Variants in ADAMTS5 observed in about 807,000 individuals in gnomAD.
The protein encoded by ADAMTS5 is A disintegrin and metalloproteinase with thrombospondin motifs 5.
ADAMTS5 carries 54 observed loss-of-function variants against 81.4 expected under a neutral mutation model. That is an observed-to-expected ratio of 0.66 (90% confidence interval 0.53 to 0.83). The LOEUF is 0.83. Among genes scored for constraint, ADAMTS5 ranks in the 40% least tolerant of loss-of-function variants. The pLI, the probability that ADAMTS5 is intolerant of heterozygous loss-of-function variation, is 0.00. For synonymous variants in ADAMTS5, 532 were observed against 508.8 expected (o/e 1.05, Z -0.61); for missense variants, 1,194 against 1,229.9 (o/e 0.97, Z 0.44).
intron 2 of ADAMTS5, among the ~76,000 whole-genome samples, chr21:26,948,969 T>A (rs1987266991): frequency 6.6e-6 from 1 of 151,454 alleles, no homozygotes; most frequent in Non-Finnish European, 1.5e-5. Flanking sequence ...TAATGGTACT[T>A]ACCTCATGGC....
Position 26,921,409 on chromosome 21 carries a change from T to G in ADAMTS5, c.*2644A>C, listed in dbSNP as rs575971542. 53 of 151,894 alleles carry G rather than the reference T, an allele frequency of 3.5e-4. No homozygotes were observed. The Middle Eastern group carries it at 0.017, about 49-fold the overall frequency. 9.4% of individuals were successfully genotyped at this position (151,894 alleles called of 1,614,324 possible). A position where few individuals can be genotyped will look rare whatever the true frequency, so the allele number is the denominator to read the frequency against. ...GGAGTGCTTAGTTATGTAAGTGAGA[T>G]TAGATTCTTACAAACCTGAGCATTT... On this transcript the variant is annotated 3_prime_UTR_variant, in exon 8 of 8. Transcript: ENST00000284987.
intron 1 of ADAMTS5, among the ~76,000 whole-genome samples, chr21:26,959,587 C>T (rs1170031990): frequency 2.0e-5 from 3 of 152,098 alleles, no homozygotes; most frequent in East Asian, 1.9e-4. Context: ...TTCTTTCTTG[C>T]AGCAAATAAA....
chr21:26,942,433 A>G (rs908058387), intron 3 of ADAMTS5, among the ~76,000 whole-genome samples: 1 of 152,188 alleles, frequency 6.6e-6, no homozygotes, highest in African/African-American at 2.4e-5. Context: ...GTCACATTCA[A>G]TTTAACTACT....
At chr21:26,949,370 ATTACTTAT>A (rs1365423728) in intron 2 of ADAMTS5, among the ~76,000 whole-genome samples, 1 of 151,612 alleles carries the variant, frequency 6.6e-6, no homozygotes, top group Non-Finnish European at 1.5e-5. Context: ...TTATTTATTT[ATTACTTAT>A]TTATTTATTT....
Position 26,966,490 on chromosome 21 carries a change from A to C in ADAMTS5, c.-99T>G. On this transcript the variant is annotated 5_prime_UTR_variant, in exon 1 of 8. Transcript: ENST00000284987. ...GGGCGGGGGATGGGGACACACACAC[A>C]CTTGCTTGCAGGATTGAGTCAAGTG... is the stretch of plus-strand genomic sequence containing the variant. 8.7e-6 allele frequency: 10 copies of C among 1,153,288 alleles called. No homozygotes were observed. Among genetic ancestry groups the C allele is most frequent in the Non-Finnish European group, 1.1e-5 (10 of 885,370 alleles). The allele number at this position is 1,153,288 out of a possible 1,614,324, so 71.4% of individuals were successfully genotyped here.
intron 7 of ADAMTS5, 34 bp downstream of exon 7, chr21:26,929,852 A>T (rs766390390): frequency 6.3e-7 from 1 of 1,595,104 alleles, no homozygotes; most frequent in South Asian, 1.1e-5. Flanking sequence ...AGCTTTGTTC[A>T]ATTCACATAA....
At chr21:26,924,948 C>T (rs1032967056) in intron 7 of ADAMTS5, among the ~76,000 whole-genome samples, 10 of 152,214 alleles carry the variant, frequency 6.6e-5, no homozygotes, top group Non-Finnish European at 8.8e-5. Flanking sequence ...ATCATCTTTA[C>T]AAATCTACTT....
chr21:26,959,704 T>C (rs1476404129), intron 1 of ADAMTS5, among the ~76,000 whole-genome samples: 3 of 152,090 alleles, frequency 2.0e-5, no homozygotes, highest in African/African-American at 7.2e-5. Flanking sequence ...AACAAGAAAA[T>C]GGAAGCACTG....
intron 1 of ADAMTS5, among the ~76,000 whole-genome samples, chr21:26,957,653 A>G (rs1381416958): frequency 1.3e-5 from 2 of 152,212 alleles, no homozygotes; most frequent in Non-Finnish European, 2.9e-5. Context: ...TGCAAGATCA[A>G]TATCTTATCA....
rs1291337867 is a variant in ADAMTS5 at position 26,966,356 on chromosome 21, C to A, written c.36G>T (p.Ala12=). Residue 12 remains alanine, a synonymous_variant, in exon 1 of 8, where the codon GCG becomes GCT. Coordinates refer to ENST00000284987, the MANE Select transcript of ADAMTS5 (RefSeq NM_007038.5). ...CGACCGCGGCCAGGGGCAGGCGGAA[C>A]GCGCACAGCAGCAGGGACGCCCACC... ...LLGWASLLLC[A]FRLPLAAVGP... 7 of 1,500,074 alleles carry A rather than the reference C, an allele frequency of 4.7e-6. No homozygotes were observed. The highest frequency in any genetic ancestry group is 2.6e-5 in the East Asian group (1 of 38,398). 92.9% of individuals were successfully genotyped at this position (1,500,074 alleles called of 1,614,324 possible).
At chr21:26,942,219 T>C (rs1431228114) in intron 3 of ADAMTS5, among the ~76,000 whole-genome samples, 2 of 152,124 alleles carry the variant, frequency 1.3e-5, no homozygotes, top group African/African-American at 2.4e-5. Context: ...GCTGAATTTC[T>C]TTAAGTCTGA....
At chr21:26,962,910 A>G (rs1253055724) in intron 1 of ADAMTS5, among the ~76,000 whole-genome samples, 7 of 151,746 alleles carry the variant, frequency 4.6e-5, no homozygotes, top group Non-Finnish European at 1.0e-4. Context: ...TTCACTTTGC[A>G]TTGTGAAATA....
intron 3 of ADAMTS5, among the ~76,000 whole-genome samples, chr21:26,936,766 G>T (rs555961515): frequency 2.0e-5 from 3 of 152,250 alleles, no homozygotes; most frequent in South Asian, 4.1e-4. Context: ...ACATCAAGCC[G>T]ATAGGAAAGA....
chr21:26,949,908 G>C (rs966241522), intron 2 of ADAMTS5, among the ~76,000 whole-genome samples: 1 of 152,144 alleles, frequency 6.6e-6, no homozygotes, highest in East Asian at 1.9e-4. Context: ...TTTGGTCTGT[G>C]GTGTTTCAAG....
chr21:26,938,598 C>T (rs1240476895), intron 3 of ADAMTS5, among the ~76,000 whole-genome samples: 2 of 152,182 alleles, frequency 1.3e-5, no homozygotes, highest in African/African-American at 4.8e-5. Flanking sequence ...GGTGCAATCT[C>T]GGCTCACTGC....
At chr21:26,948,951 TG>T (rs1987266578) in intron 2 of ADAMTS5, among the ~76,000 whole-genome samples, 1 of 152,072 alleles carries the variant, frequency 6.6e-6, no homozygotes, top group African/African-American at 2.4e-5. Flanking sequence ...CTCTCTTGGG[TG>T]ACCCACTAAT....
In ADAMTS5 at chr21:26,966,290, A is replaced by C. The variant is rs768674687; in HGVS notation, c.102T>G (p.Pro34=). ...GCTGGGCGGCTGCTGCAGCAGTCGG[A>C]GGCTGCCCGGCTTTATCCTGGGCAG... is the stretch of plus-strand genomic sequence containing the variant. ...ATPAQDKAGQ[P]PTAAAAAQPR... Residue 34 remains proline (P), a synonymous_variant, in exon 1 of 8, where the codon CCT becomes CCG. Transcript: ENST00000284987. The C allele has an allele frequency of 8.2e-5, 127 of 1,548,124 alleles. No homozygotes were observed. The highest frequency in any genetic ancestry group is 1.1e-4 in the Non-Finnish European group (125 of 1,152,634).
At chr21:26,937,126 C>A (rs1190111767) in intron 3 of ADAMTS5, among the ~76,000 whole-genome samples, 1 of 152,142 alleles carries the variant, frequency 6.6e-6, no homozygotes, top group Non-Finnish European at 1.5e-5. Context: ...AATAACTCAC[C>A]ACCTGACTAT....
In ADAMTS5 at chr21:26,932,125, G is replaced by C. The variant is rs759030833; in HGVS notation, c.1928C>G (p.Ala643Gly). ...CEAKNGYQSD[A>G]KGVKTFVEWV... ...TTCCACAAAAGTTTTGACTCCTTTT[G>C]CATCAGACTGATAGCCATTTTTGGC... is the stretch of plus-strand genomic sequence containing the variant. Residue 643 changes from alanine to glycine, a missense_variant, in exon 6 of 8, where the codon GCA (alanine) becomes GGA (glycine). Physicochemically the swap from Ala to Gly is moderately conservative, Grantham distance 60. This residue lies in a region of ADAMTS5 where 696 missense variants were observed against 817.6 expected (regional missense o/e 0.85). Coordinates refer to ENST00000284987, the MANE Select transcript of ADAMTS5 (RefSeq NM_007038.5). The C allele has an allele frequency of 1.2e-6, 2 of 1,614,200 alleles. No homozygotes were observed. Among genetic ancestry groups the C allele is most frequent in the South Asian group, 2.2e-5 (2 of 91,086 alleles).
Sources: allele counts gnomAD v4.1 joint callset (sites outside exome capture counted in the v4.1 genomes callset), GRCh38; gene constraint gnomAD v4.1.1; regional missense constraint gnomAD v4.1.1; transcripts MANE v1.5; gene names NCBI Gene and HGNC (gene_info 2026-07-23, HGNC 2026-07-21).